The following HKDC1 variants were observed in gnomAD, a reference collection of about 807,000 sequenced individuals.
HKDC1 encodes hexokinase HKDC1.
HKDC1 carries 66 observed loss-of-function variants against 96.6 expected under a neutral mutation model. That is an observed-to-expected ratio of 0.68 (90% CI 0.56 to 0.84). The LOEUF is 0.84. Ranked by LOEUF, HKDC1 falls within the 40% of genes least tolerant of loss-of-function variation. HKDC1 has a pLI of 0.00. For missense variants in HKDC1, 1,211 were observed against 1,208.1 expected, an observed-to-expected ratio of 1.00 and a Z score of -0.04; for synonymous variants, 466 against 473.1, an observed-to-expected ratio of 0.98 and a Z score of 0.20.
At chr10:69,221,801 T>G (rs1334685238) in intron 1 of HKDC1, among the ~76,000 whole-genome samples, 1 of 150,884 alleles carries the variant, frequency 6.6e-6, no homozygotes, top group Non-Finnish European at 1.5e-5. Context: ...GTCATGGTGG[T>G]GTGTGCCTAC....
Position 69,257,566 on chromosome 10 carries a change from C to T in HKDC1, c.2032+140C>T. ...AGAGATGAAGTTACAATTGGGATTC[C>T]AGGTCACCAAGTTCTTTCTGCATTA... On this transcript the variant is annotated intron_variant, in intron 14 of 17. Coordinates refer to ENST00000354624, the MANE Select transcript of HKDC1 (RefSeq NM_025130.4). The T allele has an allele frequency of 1.8e-5, 13 of 713,266 alleles. 1 individual carries two copies. The highest frequency in any genetic ancestry group is 1.4e-4 in the South Asian group (8 of 59,188). 44.2% of individuals were successfully genotyped at this position (713,266 alleles called of 1,614,324 possible).
At chr10:69,260,280 A>G (rs989337765) in intron 15 of HKDC1, among the ~76,000 whole-genome samples, 2 of 152,130 alleles carry the variant, frequency 1.3e-5, no homozygotes, top group African/African-American at 2.4e-5. Flanking sequence ...TTTGGCACCA[A>G]TCTTGTAACT....
At chr10:69,266,322 C>G (rs1843897167) in intron 17 of HKDC1, among the ~76,000 whole-genome samples, 1 of 152,074 alleles carries the variant, frequency 6.6e-6, no homozygotes, top group African/African-American at 2.4e-5. Flanking sequence ...CAAATATTAG[C>G]TGGGCGTGAT....
At chr10:69,246,575 A>G (rs889229740) in intron 8 of HKDC1, among the ~76,000 whole-genome samples, 2 of 152,238 alleles carry the variant, frequency 1.3e-5, no homozygotes, top group Non-Finnish European at 2.9e-5. Flanking sequence ...GAAAATGTAC[A>G]TTCACACACA....
chr10:69,251,041 C>T (rs1277517120), intron 12 of HKDC1, among the ~76,000 whole-genome samples: 5 of 149,066 alleles, frequency 3.4e-5, no homozygotes, highest in Admixed American at 6.7e-5. Flanking sequence ...GGGTTTTTAT[C>T]GTCTGATGAA....
At chr10:69,234,924 T>A (rs1843337116) in intron 4 of HKDC1, among the ~76,000 whole-genome samples, 1 of 152,254 alleles carries the variant, frequency 6.6e-6, no homozygotes, top group South Asian at 2.1e-4. Context: ...TGAGTTTTAC[T>A]TTTTCATTCT....
chr10:69,233,018 T>G lies in HKDC1; in HGVS notation c.380T>G (p.Phe127Cys). Reference protein sequence around the residue: ...EIIRGNGTELFEYVADCLADF... With the variant: ...EIIRGNGTELCEYVADCLADF... ...TTTGCTTTCTCTTCTCTGCAGCTGT[T>G]TGAATATGTAGCTGACTGTCTGGCA... is the stretch of plus-strand genomic sequence containing the variant. The change falls in exon 4 of 18, where the codon TTT becomes TGT. Residue 127 changes from phenylalanine to cysteine, a missense_variant. By Grantham distance (205) the Phe-to-Cys change is radical (BLOSUM62 -2). Transcript: ENST00000354624. 6.2e-7 allele frequency: 1 copy of G among 1,614,070 alleles called. No individual in the cohort carries two copies. Among genetic ancestry groups the G allele is most frequent in the Non-Finnish European group, 8.5e-7 (1 of 1,180,042 alleles).
chr10:69,233,805 G>C (rs890589458), intron 4 of HKDC1, among the ~76,000 whole-genome samples: 2 of 149,390 alleles, frequency 1.3e-5, no homozygotes, highest in African/African-American at 4.9e-5. Context: ...GGCTGAGGCA[G>C]GAGAATGGCG....
Position 69,265,833 on chromosome 10 carries a change from G to A in HKDC1, c.2606+15G>A. The A allele has an allele frequency of 2.5e-6, 4 of 1,580,864 alleles. No individual in the cohort carries two copies. The highest frequency in any genetic ancestry group is 3.5e-6 in the Non-Finnish European group (4 of 1,154,106). ...CTGCACCCTCAGTGAGTGCCCACAA[G>A]AGGCGTGGCGGGTGGGGCTGGGGAG... is the stretch of plus-strand genomic sequence containing the variant. On this transcript the variant is annotated intron_variant, in intron 17 of 17. Transcript: ENST00000354624.
chr10:69,253,327 C>T (rs941697732), intron 12 of HKDC1, among the ~76,000 whole-genome samples: 2 of 152,164 alleles, frequency 1.3e-5, no homozygotes, highest in Non-Finnish European at 2.9e-5. Flanking sequence ...AGACAGTTTG[C>T]AGCCTCTGCC....
rs141306585 is a variant in HKDC1, at chr10:69,263,905, T to A, written c.2373-1680T>A. Among the ~76,000 whole-genome samples the A allele has an allele frequency of 1.6e-3, 245 of 152,384 alleles. 1 individual carries two copies. The highest frequency in any genetic ancestry group is 3.4e-3 in the Middle Eastern group (1 of 294). On this transcript the variant is annotated intron_variant, in intron 16 of 17. Transcript: ENST00000354624. Reference sequence around the variant, plus strand: ...AAAATAAGAATTAAGCTACGTGTGGTGGCTCATGCCTGTAATCCCAGGACT... The same window carrying A: ...AAAATAAGAATTAAGCTACGTGTGGAGGCTCATGCCTGTAATCCCAGGACT...
chr10:69,254,603 C>T (rs373357132), intron 12 of HKDC1, among the ~76,000 whole-genome samples: 1 of 152,142 alleles, frequency 6.6e-6, no homozygotes, highest in East Asian at 1.9e-4. Context: ...GTTTCCTCAT[C>T]TGAAAATGAT....
At chr10:69,226,771 C>T (rs1053895941) in intron 1 of HKDC1, among the ~76,000 whole-genome samples, 1 of 152,196 alleles carries the variant, frequency 6.6e-6, no homozygotes, top group Non-Finnish European at 1.5e-5. Flanking sequence ...CTAGCTATAT[C>T]TGTGGTCATC....
At chr10:69,228,440 G>T (rs1299310766) in intron 2 of HKDC1, among the ~76,000 whole-genome samples, 1 of 152,154 alleles carries the variant, frequency 6.6e-6, no homozygotes, top group Non-Finnish European at 1.5e-5. Flanking sequence ...TGGGGATTAG[G>T]ATGTGAGCAT....
At chr10:69,223,839 T>G (rs1843106928) in intron 1 of HKDC1, among the ~76,000 whole-genome samples, 1 of 150,470 alleles carries the variant, frequency 6.6e-6, no homozygotes, top group African/African-American at 2.4e-5. Context: ...CGCCTCGGCC[T>G]CCCAAAGTGC....
chr10:69,246,324 A>T, intron 8 of HKDC1, 90 bp downstream of exon 8: 5 of 1,355,972 alleles, frequency 3.7e-6, no homozygotes, highest in Non-Finnish European at 3.1e-6. Context: ...AGCAGGAGGG[A>T]CTAGATCCTC....
chr10:69,230,378 C>T (rs565673895), intron 2 of HKDC1, among the ~76,000 whole-genome samples: 37 of 152,230 alleles, frequency 2.4e-4, no homozygotes, highest in African/African-American at 5.1e-4. Flanking sequence ...TCGAGTGTTT[C>T]CTAATACACA....
At chr10:69,248,807 GT>G in intron 10 of HKDC1, 79 bp downstream of exon 10, 2 of 1,374,198 alleles carry the variant, frequency 1.5e-6, no homozygotes, top group Non-Finnish European at 1.9e-6. Context: ...GAGGTTCTTG[GT>G]TTTTAGAAAC....
At chr10:69,257,472 T>C (rs201161662) in intron 14 of HKDC1, 46 bp downstream of exon 14, 89 of 1,390,402 alleles carry the variant, frequency 6.4e-5, no homozygotes, top group Non-Finnish European at 8.6e-5. Context: ...ACTGTATCCA[T>C]TGATGGTTTC....
Sources: allele counts gnomAD v4.1 joint callset (sites outside exome capture counted in the v4.1 genomes callset), GRCh38; gene constraint gnomAD v4.1.1; transcripts MANE v1.5; gene names NCBI Gene and HGNC (gene_info 2026-07-23, HGNC 2026-07-21).